Variants in DLGAP1 observed in about 807,000 individuals in gnomAD.
DLGAP1 encodes the protein disks large-associated protein 1.
DLGAP1 carries 11 observed loss-of-function variants against 90.8 expected under a neutral mutation model. The ratio of observed to expected loss-of-function variants is 0.12; its 90% CI spans 0.08 to 0.20. DLGAP1 has a LOEUF of 0.20. DLGAP1 is among the 10% of genes least tolerant of loss of function. The pLI, the probability that DLGAP1 is intolerant of heterozygous loss-of-function variation, is 1.00. For missense variants in DLGAP1, 1,050 were observed against 1,333.8 expected (o/e 0.79, Z 3.31); for synonymous variants, 558 against 540.7 (o/e 1.03, Z -0.44).
intron 6 of DLGAP1, among the ~76,000 whole-genome samples, chr18:3,732,931 G>A (rs2062497169): frequency 6.6e-6 from 1 of 152,048 alleles, no homozygotes; most frequent in Non-Finnish European, 1.5e-5. Context: ...GAAGAACTAG[G>A]ATATAAATAC....
chr18:4,386,054 A>G (rs2082224102), intron 1 of DLGAP1, among the ~76,000 whole-genome samples: 1 of 152,164 alleles, frequency 6.6e-6, no homozygotes, highest in Non-Finnish European at 1.5e-5. Flanking sequence ...GAAGTGTCAC[A>G]TTTAAGGGTC....
chr18:3,841,154 A>G (rs1048920541), intron 4 of DLGAP1, among the ~76,000 whole-genome samples: 2 of 152,212 alleles, frequency 1.3e-5, no homozygotes, highest in Admixed American at 1.3e-4. Context: ...CTACGGTTGA[A>G]GAACATGAAG....
At chr18:4,210,115 C>T (rs944246200) in intron 1 of DLGAP1, among the ~76,000 whole-genome samples, 1 of 152,174 alleles carries the variant, frequency 6.6e-6, no homozygotes. Flanking sequence ...TCCATTTGTT[C>T]CCATGGAATG....
intron 1 of DLGAP1, among the ~76,000 whole-genome samples, chr18:4,432,349 A>C (rs186524547): frequency 5.3e-5 from 8 of 152,320 alleles, no homozygotes; most frequent in African/African-American, 1.4e-4. Flanking sequence ...TTATAAATGC[A>C]TCATCCAGTT....
intron 1 of DLGAP1, among the ~76,000 whole-genome samples, chr18:4,290,848 C>T (rs915596518): frequency 5.9e-5 from 9 of 152,202 alleles, no homozygotes; most frequent in African/African-American, 2.2e-4. Context: ...ATCTTTTTCA[C>T]GCTTTCAATC....
chr18:3,658,833 C>T (rs2059585989), intron 7 of DLGAP1, among the ~76,000 whole-genome samples: 1 of 152,136 alleles, frequency 6.6e-6, no homozygotes, highest in Non-Finnish European at 1.5e-5. Flanking sequence ...GAAAAGACAA[C>T]AATGTGCTCT....
At chr18:3,861,723 A>C (rs2070073989) in intron 4 of DLGAP1, among the ~76,000 whole-genome samples, 3 of 152,246 alleles carry the variant, frequency 2.0e-5, no homozygotes, top group Admixed American at 2.0e-4. Flanking sequence ...CAATCTCAGC[A>C]GTTCTGCTTC....
intron 3 of DLGAP1, among the ~76,000 whole-genome samples, chr18:3,943,451 GTTT>G (rs11453774): frequency 1.5e-5 from 2 of 131,244 alleles, no homozygotes; most frequent in Admixed American, 7.9e-5. Flanking sequence ...GAAAGAGAGG[GTTT>G]TTTTTTTTTT....
intron 5 of DLGAP1, among the ~76,000 whole-genome samples, chr18:3,790,523 C>A (rs187073144): frequency 6.6e-6 from 1 of 152,238 alleles, no homozygotes; most frequent in East Asian, 1.9e-4. Context: ...CCTGCCTTGG[C>A]CTCCCAAGTG....
At chr18:3,541,417 TGGCTA>T (rs1312711964) in intron 9 of DLGAP1, among the ~76,000 whole-genome samples, 3 of 152,206 alleles carry the variant, frequency 2.0e-5, no homozygotes, top group Non-Finnish European at 4.4e-5. Context: ...AGGAACTATT[TGGCTA>T]GGTCATGATA....
intron 3 of DLGAP1, among the ~76,000 whole-genome samples, chr18:3,899,321 G>A (rs560883420): frequency 2.2e-4 from 33 of 152,288 alleles, no homozygotes; most frequent in Admixed American, 1.6e-3. Flanking sequence ...ATGGTTATAA[G>A]TTTCATCTCC....
chr18:3,873,719 T>C (rs1006405049), intron 4 of DLGAP1, among the ~76,000 whole-genome samples: 4 of 152,180 alleles, frequency 2.6e-5, no homozygotes, highest in Non-Finnish European at 4.4e-5. Flanking sequence ...TATGAATGCT[T>C]CCTCAGTGAT....
intron 1 of DLGAP1, among the ~76,000 whole-genome samples, chr18:4,418,511 T>G (rs1031455782): frequency 6.6e-6 from 1 of 151,864 alleles, no homozygotes; most frequent in Non-Finnish European, 1.5e-5. Context: ...AGCCAGAAAC[T>G]ATAAAAAAAT....
chr18:4,260,866 A>C (rs2078988688), intron 1 of DLGAP1, among the ~76,000 whole-genome samples: 1 of 152,248 alleles, frequency 6.6e-6, no homozygotes. Flanking sequence ...AAATGGAAAA[A>C]CATCCAGAAA....
chr18:3,997,309 A>C (rs1473331670), intron 3 of DLGAP1, among the ~76,000 whole-genome samples: 2 of 111,004 alleles, frequency 1.8e-5, no homozygotes, highest in Non-Finnish European at 3.7e-5. Context: ...AGTAAAGGGA[A>C]AATGATAAAA....
intron 8 of DLGAP1, chr18:3,580,290 C>T: frequency 2.5e-6 from 4 of 1,612,900 alleles, no homozygotes; most frequent in Non-Finnish European, 3.4e-6. Context: ...AGCAATGGCG[C>T]AACTGTCTCT....
chr18:3,503,275 A>T (rs2050042096), intron 11 of DLGAP1, among the ~76,000 whole-genome samples: 1 of 152,230 alleles, frequency 6.6e-6, no homozygotes, highest in African/African-American at 2.4e-5. Flanking sequence ...TTGACCATAA[A>T]ATAATATAGC....
intron 3 of DLGAP1, among the ~76,000 whole-genome samples, chr18:3,968,557 A>G (rs1429018515): frequency 6.6e-6 from 1 of 152,214 alleles, no homozygotes; most frequent in Non-Finnish European, 1.5e-5. Flanking sequence ...CGGAAGTTTT[A>G]AATAGTTAAC....
intron 2 of DLGAP1, among the ~76,000 whole-genome samples, chr18:4,019,015 CATT>C (rs1358082710): frequency 6.6e-6 from 1 of 152,162 alleles, no homozygotes; most frequent in Non-Finnish European, 1.5e-5. Context: ...TGAAAAACAT[CATT>C]GACTGAATTT....
Sources: gnomAD v4.1 joint callset for allele counts (sites outside exome capture counted in the v4.1 genomes callset) on GRCh38, gnomAD v4.1.1 for gene constraint, MANE v1.5 for transcripts, NCBI Gene and HGNC (gene_info 2026-07-23, HGNC 2026-07-21) for gene names.